Variants in INPP4B observed in about 807,000 individuals in gnomAD.
INPP4B encodes the protein inositol polyphosphate-4-phosphatase type II B, also known as inositol polyphosphate 4-phosphatase type II.
Under a neutral mutation model 122.5 loss-of-function variants are expected in INPP4B, and 55 were observed. The observed-to-expected ratio is 0.45, with a 90% confidence interval of 0.36 to 0.56. The LOEUF (loss-of-function observed/expected upper bound fraction) is 0.56, where lower values mean the gene tolerates loss of function less well. Ranked by LOEUF, INPP4B falls within the 20% of genes least tolerant of loss-of-function variation. The pLI is 0.00. For synonymous variants in INPP4B, 403 were observed against 388.7 expected (o/e 1.04, Z -0.43); for missense variants, 1,000 against 1,097.7 (o/e 0.91, Z 1.26).
chr4:142,087,084 A>G (rs1777220391), intron 23 of INPP4B, among the ~76,000 whole-genome samples: 1 of 152,190 alleles, frequency 6.6e-6, no homozygotes, highest in Non-Finnish European at 1.5e-5. Flanking sequence ...TGGGAGGAAG[A>G]CCATACTGTG....
chr4:142,338,408 T>TC (rs1777561239), intron 7 of INPP4B, among the ~76,000 whole-genome samples: 1 of 152,044 alleles, frequency 6.6e-6, no homozygotes, highest in Non-Finnish European at 1.5e-5. Context: ...GCTAATTTTT[T>TC]TTTGTATTTT....
chr4:142,459,462 A>C (rs1816261815), intron 3 of INPP4B, among the ~76,000 whole-genome samples: 1 of 152,130 alleles, frequency 6.6e-6, no homozygotes, highest in Non-Finnish European at 1.5e-5. Flanking sequence ...AAGGAAGAAG[A>C]ATGGGAAAGA....
At chr4:142,636,549 G>A (rs1194748445) in intron 2 of INPP4B, among the ~76,000 whole-genome samples, 1 of 152,016 alleles carries the variant, frequency 6.6e-6, no homozygotes, top group Non-Finnish European at 1.5e-5. Flanking sequence ...TAAATAAATA[G>A]TGATTTATTG....
At chr4:142,680,996 T>G (rs1207961695) in intron 2 of INPP4B, among the ~76,000 whole-genome samples, 1 of 151,818 alleles carries the variant, frequency 6.6e-6, no homozygotes, top group South Asian at 2.1e-4. Context: ...TTCAATAAAT[T>G]CTCTTGAGGA....
chr4:142,515,282 TG>T (rs1825281294), intron 2 of INPP4B, among the ~76,000 whole-genome samples: 1 of 152,148 alleles, frequency 6.6e-6, no homozygotes, highest in Non-Finnish European at 1.5e-5. Flanking sequence ...ACATGGGATG[TG>T]GGGAGCCTGA....
At position 142,161,997 on chromosome 4, in the gene INPP4B, C is replaced by T. The variant is rs1820398891; in HGVS notation, c.1360-1436G>A. Among the ~76,000 whole-genome samples, 4 of 151,796 alleles carry T rather than the reference C, an allele frequency of 2.6e-5. No individual in the cohort carries two copies. In the South Asian group the frequency reaches 8.3e-4, roughly 31 times the overall value. On this transcript the variant is annotated intron_variant, in intron 16 of 25. Coordinates refer to ENST00000262992, the MANE Select transcript of INPP4B (RefSeq NM_001101669.3). ...AAACTAGATGTTTCTGTCCTTCTTC[C>T]TCTTCTTCCCTAACCTCAACTTTCC... is the stretch of plus-strand genomic sequence containing the variant.
intron 2 of INPP4B, among the ~76,000 whole-genome samples, chr4:142,612,939 C>A (rs1742878947): frequency 6.6e-6 from 1 of 152,174 alleles, no homozygotes. Flanking sequence ...GGACCTATTT[C>A]TAGCTAAGTT....
chr4:142,396,702 A>T (rs911993473), intron 7 of INPP4B, among the ~76,000 whole-genome samples: 8 of 152,096 alleles, frequency 5.3e-5, no homozygotes, highest in Non-Finnish European at 1.0e-4. Context: ...CGGAAGCAAC[A>T]TAAATGTCCA....
intron 2 of INPP4B, among the ~76,000 whole-genome samples, chr4:142,530,607 A>T (rs564324979): frequency 1.1e-4 from 17 of 151,670 alleles, no homozygotes; most frequent in African/African-American, 3.6e-4. Flanking sequence ...ACATACATAC[A>T]CATAAGGAAG....
intron 6 of INPP4B, among the ~76,000 whole-genome samples, chr4:142,403,678 C>T (rs1372895160): frequency 6.6e-6 from 1 of 152,146 alleles, no homozygotes; most frequent in Non-Finnish European, 1.5e-5. Flanking sequence ...TTAGAGCTGA[C>T]ATCCAGCATT....
At chr4:142,272,394 G>C (rs1235031974) in intron 9 of INPP4B, among the ~76,000 whole-genome samples, 1 of 151,746 alleles carries the variant, frequency 6.6e-6, no homozygotes, top group Non-Finnish European at 1.5e-5. Flanking sequence ...TGATTTCATA[G>C]TGCAATAAAA....
At chr4:142,750,845 G>A (rs1056228149) in intron 1 of INPP4B, among the ~76,000 whole-genome samples, 40 of 152,068 alleles carry the variant, frequency 2.6e-4, no homozygotes, top group Non-Finnish European at 1.5e-5. Flanking sequence ...CCTGAGGAGG[G>A]GAGGGTTATG....
intron 7 of INPP4B, among the ~76,000 whole-genome samples, chr4:142,380,928 A>T (rs1253529071): frequency 4.6e-5 from 7 of 152,148 alleles, no homozygotes; most frequent in Non-Finnish European, 1.0e-4. Flanking sequence ...TTAGAGCTCC[A>T]ATTTATTACA....
chr4:142,473,179 G>A (rs771472525), intron 2 of INPP4B: 1 of 152,150 alleles, frequency 6.6e-6, no homozygotes, highest in South Asian at 2.1e-4. Flanking sequence ...TTGGGGGAAA[G>A]GCCAAAATGG....
intron 2 of INPP4B, among the ~76,000 whole-genome samples, 168 bp downstream of exon 2, chr4:142,725,671 C>T (rs1418653805): frequency 6.6e-6 from 1 of 152,154 alleles, no homozygotes; most frequent in Non-Finnish European, 1.5e-5. Flanking sequence ...ATGTACTGTT[C>T]ACTTTATCAA....
intron 21 of INPP4B, among the ~76,000 whole-genome samples, chr4:142,118,100 C>A (rs1229073760): frequency 6.6e-6 from 1 of 152,080 alleles, no homozygotes; most frequent in Non-Finnish European, 1.5e-5. Context: ...TGTGAAGGAC[C>A]TCTGCAAGGA....
At chr4:142,076,619 C>G (rs144182098) in intron 25 of INPP4B, among the ~76,000 whole-genome samples, 1 of 151,920 alleles carries the variant, frequency 6.6e-6, no homozygotes, top group African/African-American at 2.4e-5. Context: ...TTCCCAATTA[C>G]GATGTTCCCT....
chr4:142,424,499 C>T (rs189694023), intron 5 of INPP4B, among the ~76,000 whole-genome samples: 53 of 152,118 alleles, frequency 3.5e-4, no homozygotes, highest in African/African-American at 1.1e-3. Context: ...ACTGAAGATA[C>T]ACACACCTTC....
chr4:142,311,454 T>C (rs1316225076), intron 8 of INPP4B, among the ~76,000 whole-genome samples: 1 of 152,176 alleles, frequency 6.6e-6, no homozygotes, highest in Non-Finnish European at 1.5e-5. Flanking sequence ...TTTCTGGTGG[T>C]TCTAATAATA....
Sources: allele counts gnomAD v4.1 joint callset (sites outside exome capture counted in the v4.1 genomes callset), GRCh38; gene constraint gnomAD v4.1.1; transcripts MANE v1.5; gene names NCBI Gene and HGNC (gene_info 2026-07-23, HGNC 2026-07-21).